The following CNTNAP5 variants were observed in gnomAD, a reference collection of about 807,000 sequenced individuals.
CNTNAP5 encodes the protein contactin-associated protein-like 5.
A neutral mutation model predicts 150.2 loss-of-function variants in CNTNAP5; 72 were observed. That is an observed-to-expected ratio of 0.48 (90% CI 0.40 to 0.58). The LOEUF is 0.58. CNTNAP5 is among the 20% of genes least tolerant of loss of function. The probability of loss-of-function intolerance (pLI) is 0.00; values close to 1 mark genes in which losing one functional copy is unlikely to be tolerated. For synonymous variants in CNTNAP5, 672 were observed against 619.8 expected (o/e 1.08, Z -1.25); for missense variants, 1,636 against 1,626.2 (o/e 1.01, Z -0.10).
intron 1 of CNTNAP5, among the ~76,000 whole-genome samples, chr2:124,036,904 T>C (rs1351852857): frequency 6.6e-6 from 1 of 152,314 alleles, no homozygotes; most frequent in African/African-American, 2.4e-5. Context: ...ACTCATACTT[T>C]GAAAAATTTT....
At chr2:124,422,223 A>AT (rs1192838612) in intron 4 of CNTNAP5, among the ~76,000 whole-genome samples, 3 of 152,158 alleles carry the variant, frequency 2.0e-5, no homozygotes, top group African/African-American at 4.8e-5. Context: ...GGGCTTAATA[A>AT]TTTTTCCAAA....
At chr2:124,706,919 A>AGG (rs1679671719) in intron 13 of CNTNAP5, among the ~76,000 whole-genome samples, 3 of 74,520 alleles carry the variant, frequency 4.0e-5, no homozygotes, top group Non-Finnish European at 9.8e-5. Context: ...GGAGGAGGAG[A>AGG]AGAAGAAGAA....
intron 8 of CNTNAP5, among the ~76,000 whole-genome samples, chr2:124,515,476 G>A (rs191532698): frequency 3.7e-4 from 57 of 152,326 alleles, no homozygotes; most frequent in Non-Finnish European, 7.2e-4. Context: ...CACTATTCTA[G>A]TCAAGGAAAA....
intron 1 of CNTNAP5, among the ~76,000 whole-genome samples, chr2:124,103,237 AG>A (rs1487913638): frequency 6.6e-6 from 1 of 152,238 alleles, no homozygotes; most frequent in Non-Finnish European, 1.5e-5. Flanking sequence ...TTTTAAGCTC[AG>A]TGCCGTTACA....
intron 11 of CNTNAP5, among the ~76,000 whole-genome samples, chr2:124,572,839 C>CA (rs1696197371): frequency 6.6e-6 from 1 of 152,188 alleles, no homozygotes; most frequent in Non-Finnish European, 1.5e-5. Flanking sequence ...GAAAATCTGT[C>CA]AACTGATGCA....
chr2:124,264,032 G>A (rs1687535366), intron 3 of CNTNAP5, among the ~76,000 whole-genome samples: 1 of 152,036 alleles, frequency 6.6e-6, no homozygotes, highest in African/African-American at 2.4e-5. Flanking sequence ...CCAGTACCAT[G>A]CTGTTTTTGG....
chr2:124,740,804 GT>G (rs1680482009), intron 13 of CNTNAP5, among the ~76,000 whole-genome samples: 2 of 152,124 alleles, frequency 1.3e-5, no homozygotes, highest in South Asian at 4.1e-4. Flanking sequence ...TGCTTCCTGA[GT>G]TACATTCTGG....
At chr2:124,262,084 T>C (rs1023795596) in intron 3 of CNTNAP5, among the ~76,000 whole-genome samples, 2 of 147,578 alleles carry the variant, frequency 1.4e-5, no homozygotes, top group Admixed American at 1.4e-4. Context: ...TCTACGTTTC[T>C]TTTTTTTTTA....
At chr2:124,331,254 T>C (rs970239740) in intron 3 of CNTNAP5, among the ~76,000 whole-genome samples, 2 of 152,150 alleles carry the variant, frequency 1.3e-5, no homozygotes, top group African/African-American at 4.8e-5. Context: ...TAGTTCATTA[T>C]AATAATGTCG....
chr2:124,635,985 C>A (rs1677961882), intron 12 of CNTNAP5, among the ~76,000 whole-genome samples: 1 of 152,194 alleles, frequency 6.6e-6, no homozygotes, highest in African/African-American at 2.4e-5. Flanking sequence ...TTTTCCAGTG[C>A]TAGCTGTGAG....
At chr2:124,033,928 AAGT>A (rs1210770895) in intron 1 of CNTNAP5, among the ~76,000 whole-genome samples, 1 of 152,182 alleles carries the variant, frequency 6.6e-6, no homozygotes, top group Non-Finnish European at 1.5e-5. Flanking sequence ...AAAAAAAAAA[AAGT>A]GTGTGAAAGA....
At chr2:124,108,707 C>T (rs118140370) in intron 1 of CNTNAP5, among the ~76,000 whole-genome samples, 25 of 152,142 alleles carry the variant, frequency 1.6e-4, no homozygotes, top group Admixed American at 3.9e-4. Flanking sequence ...CGTTTATTTG[C>T]CACACAGCAA....
At chr2:124,632,772 G>C (rs1677891364) in intron 12 of CNTNAP5, among the ~76,000 whole-genome samples, 1 of 152,036 alleles carries the variant, frequency 6.6e-6, no homozygotes, top group Admixed American at 6.6e-5. Context: ...TTTTTAAAAA[G>C]AGGTTTCATT....
intron 1 of CNTNAP5, chr2:124,134,963 C>T (rs1186576696): frequency 6.6e-6 from 1 of 152,132 alleles, no homozygotes; most frequent in African/African-American, 2.4e-5. Context: ...AAAATATCTA[C>T]TATACAGATT....
At chr2:124,824,839 A>G (rs2104673336) in intron 19 of CNTNAP5, among the ~76,000 whole-genome samples, 1 of 152,282 alleles carries the variant, frequency 6.6e-6, no homozygotes, top group South Asian at 2.1e-4. Flanking sequence ...ACAAGCAAAG[A>G]TTTTATGCCT....
intron 11 of CNTNAP5, among the ~76,000 whole-genome samples, chr2:124,584,508 A>T (rs1696486027): frequency 6.6e-6 from 1 of 152,288 alleles, no homozygotes; most frequent in African/African-American, 2.4e-5. Flanking sequence ...ATATTTGTTC[A>T]TCTTTTCCTC....
At chr2:124,239,122 G>C (rs190101291) in intron 2 of CNTNAP5, among the ~76,000 whole-genome samples, 1 of 152,074 alleles carries the variant, frequency 6.6e-6, no homozygotes, top group Admixed American at 6.5e-5. Context: ...TTTTTACTGT[G>C]GGAAAAAGGG....
chr2:124,444,169 G>A (rs1031068664), intron 5 of CNTNAP5, among the ~76,000 whole-genome samples: 1 of 151,916 alleles, frequency 6.6e-6, no homozygotes, highest in Non-Finnish European at 1.5e-5. Flanking sequence ...ATAATTACTT[G>A]GATACCATTC....
chr2:124,329,561 G>T (rs1689298595), intron 3 of CNTNAP5, among the ~76,000 whole-genome samples: 1 of 152,046 alleles, frequency 6.6e-6, no homozygotes, highest in East Asian at 1.9e-4. Flanking sequence ...TGTGCTCTGA[G>T]CCCTAACATT....
Sources: gnomAD v4.1 joint callset for allele counts (sites outside exome capture counted in the v4.1 genomes callset) on GRCh38, gnomAD v4.1.1 for gene constraint, MANE v1.5 for transcripts, NCBI Gene and HGNC (gene_info 2026-07-23, HGNC 2026-07-21) for gene names.